Variants in NEURL1 observed in about 807,000 individuals in gnomAD.
The protein encoded by NEURL1 is E3 ubiquitin-protein ligase NEURL1.
In NEURL1, 26 loss-of-function variants were observed where a neutral mutation model predicts 41.2. That is an observed-to-expected ratio of 0.63 (90% CI 0.46 to 0.87). The LOEUF (loss-of-function observed/expected upper bound fraction) is 0.87. Among genes scored for constraint, NEURL1 ranks in the 40% least tolerant of loss-of-function variants. NEURL1 has a pLI of 0.00. For missense variants in NEURL1, 761 were observed against 871.1 expected (o/e 0.87, Z 1.59); for synonymous variants, 400 against 402.3 (o/e 0.99, Z 0.07).
In NEURL1 at chr10:103,555,423, C is replaced by A. The variant is rs771090169; in HGVS notation, c.86-15449C>A. 8.1e-6 allele frequency: 11 copies of A among 1,357,100 alleles called. No individual in the cohort carries two copies. In the East Asian group the frequency reaches 4.2e-4, roughly 51 times the overall value. The allele number at this position is 1,357,100 out of a possible 1,614,324, so 84.1% of individuals were successfully genotyped here. ...CGGAGCACTCTCCACGGTAAGGCCC[C>A]GCGGATGCCTGCGGGCCCGCCCACC... On this transcript the variant is annotated intron_variant, in intron 1 of 5. Coordinates refer to ENST00000369780, the MANE Select transcript of NEURL1 (RefSeq NM_004210.5).
intron 3 of NEURL1, among the ~76,000 whole-genome samples, chr10:103,583,479 A>T (rs2035826753): frequency 6.6e-6 from 1 of 151,934 alleles, no homozygotes; most frequent in Admixed American, 6.6e-5. Flanking sequence ...ACTTTGGGAG[A>T]CTGAGGCAGG....
intron 1 of NEURL1, among the ~76,000 whole-genome samples, chr10:103,568,378 C>T (rs1326303288): frequency 6.6e-6 from 1 of 152,226 alleles, no homozygotes; most frequent in Admixed American, 6.5e-5. Flanking sequence ...TGCCGTTACC[C>T]AGGGCCCCAG....
chr10:103,577,864 G>C (rs1329330388), intron 3 of NEURL1: 1 of 152,232 alleles, frequency 6.6e-6, no homozygotes, highest in African/African-American at 2.4e-5. Context: ...GTGCACTCTA[G>C]TTTTCTACCA....
At chr10:103,537,251 C>A (rs1032640144) in intron 1 of NEURL1, among the ~76,000 whole-genome samples, 1 of 152,178 alleles carries the variant, frequency 6.6e-6, no homozygotes, top group African/African-American at 2.4e-5. Flanking sequence ...CTGTTCAAGT[C>A]CAAGTCCCTG....
chr10:103,552,373 C>T (rs1372989033), intron 1 of NEURL1, among the ~76,000 whole-genome samples: 1 of 152,202 alleles, frequency 6.6e-6, no homozygotes, highest in Non-Finnish European at 1.5e-5. Context: ...GAGGCTCCTC[C>T]TGCTCACCCT....
intron 1 of NEURL1, 198 bp downstream of exon 1, chr10:103,494,670 C>T: frequency 7.1e-6 from 4 of 565,890 alleles, no homozygotes; most frequent in Admixed American, 6.8e-5. Flanking sequence ...GCGGGGTCTG[C>T]GCAGTTCTGT....
At chr10:103,587,248 G>A (rs1592245358) in intron 4 of NEURL1, among the ~76,000 whole-genome samples, 1 of 152,276 alleles carries the variant, frequency 6.6e-6, no homozygotes, top group East Asian at 1.9e-4. Flanking sequence ...AATTACATAA[G>A]AGTAAGGTAC....
chr10:103,508,565 T>C lies in NEURL1; in HGVS notation c.85+14093T>C, dbSNP rs1469868399. Among the ~76,000 whole-genome samples, 1 of 152,054 alleles carries C rather than the reference T, an allele frequency of 6.6e-6. No homozygotes were observed. Among genetic ancestry groups the C allele is most frequent in the East Asian group, 1.9e-4 (1 of 5,182 alleles). On this transcript the variant is annotated intron_variant, in intron 1 of 5. Transcript: ENST00000369780. The surrounding 1 kb of genome is among the most constrained non-coding windows in gnomAD (Gnocchi z 4.3). ...CAAGTCCCATGCAGGAAACCCCCTC[T>C]TTGGAGGGCTGAGAGGGCTTAGCCA...
intron 1 of NEURL1, among the ~76,000 whole-genome samples, chr10:103,524,248 A>G (rs1592195338): frequency 6.6e-6 from 1 of 152,088 alleles, no homozygotes; most frequent in Non-Finnish European, 1.5e-5. Flanking sequence ...CTTTTGAGAG[A>G]TATCTATTCA....
chr10:103,553,989 G>A (rs953423699), intron 1 of NEURL1, among the ~76,000 whole-genome samples: 4 of 152,188 alleles, frequency 2.6e-5, no homozygotes, highest in African/African-American at 9.6e-5. Flanking sequence ...TGACCTGCTG[G>A]GTAACCTCAC....
intron 1 of NEURL1, among the ~76,000 whole-genome samples, chr10:103,552,840 G>A (rs6584558): frequency 0.39 from 59,073 of 152,038 alleles, 11,703 homozygotes; most frequent in African/African-American, 0.42. Flanking sequence ...AGTAGGGTAA[G>A]TGTTAGGAGA....
rs757896975 is a variant in NEURL1, at chr10:103,589,584, C to T, written c.1410C>T (p.Pro470=). 2.5e-6 allele frequency: 4 copies of T among 1,614,046 alleles called. No homozygotes were observed. Among genetic ancestry groups the T allele is most frequent in the Non-Finnish European group, 3.4e-6 (4 of 1,179,948 alleles). ...PCSPASTPTS[P]SALGSRLSDP... is the part of the protein sequence containing the mutation. ...CCCCTGCCTCCACGCCAACCTCGCCCAGTGCCCTGGGCAGCCGCCTGTCTG... is the reference window on the plus strand; with the variant it reads ...CCCCTGCCTCCACGCCAACCTCGCCTAGTGCCCTGGGCAGCCGCCTGTCTG... Residue 470 remains proline, a synonymous_variant, in exon 5 of 6, where the codon CCC becomes CCT. Transcript: ENST00000369780.
intron 1 of NEURL1, among the ~76,000 whole-genome samples, chr10:103,538,256 G>A (rs2034739402): frequency 6.6e-6 from 1 of 152,018 alleles, no homozygotes; most frequent in African/African-American, 2.4e-5. Context: ...TACCACGCCG[G>A]GCTTAATTTA....
Position 103,558,717 on chromosome 10 carries a change from C to T in NEURL1, c.86-12155C>T, listed in dbSNP as rs1411172033. Among the ~76,000 whole-genome samples the T allele has an allele frequency of 3.9e-5, 6 of 152,214 alleles. No homozygotes were observed. The East Asian group carries it at 7.7e-4, about 20-fold the overall frequency. On this transcript the variant is annotated intron_variant, in intron 1 of 5. Transcript: ENST00000369780. The surrounding 1 kb of genome is among the most constrained non-coding windows in gnomAD (Gnocchi z 4.2). ...GGTCTTGAGAGCAGGCTGACAGGGGCGGGAAGGGTAGTGCGAAGAGGGAGG... is the reference window on the plus strand; with the variant it reads ...GGTCTTGAGAGCAGGCTGACAGGGGTGGGAAGGGTAGTGCGAAGAGGGAGG...
rs1216941773 is a variant in NEURL1, at chr10:103,556,885, T to A, written c.86-13987T>A. On this transcript the variant is annotated intron_variant, in intron 1 of 5. Coordinates refer to ENST00000369780, the MANE Select transcript of NEURL1 (RefSeq NM_004210.5). The surrounding 1 kb of genome is among the most constrained non-coding windows in gnomAD (Gnocchi z 4.4). ...TGTTGGCAGAGGGTCTGGAGCCGACTGGCATTTTCCACTGGAGTCAGACTT... is the reference window on the plus strand; with the variant it reads ...TGTTGGCAGAGGGTCTGGAGCCGACAGGCATTTTCCACTGGAGTCAGACTT... Among the ~76,000 whole-genome samples, 1 of 152,140 alleles carries A rather than the reference T, an allele frequency of 6.6e-6. No individual in the cohort carries two copies. Among genetic ancestry groups the A allele is most frequent in the African/African-American group, 2.4e-5 (1 of 41,452 alleles).
chr10:103,558,929 C>T lies in NEURL1; in HGVS notation c.86-11943C>T, dbSNP rs1188838699. Among the ~76,000 whole-genome samples the T allele has an allele frequency of 6.6e-6, 1 of 152,166 alleles. No homozygotes were observed. The highest frequency in any genetic ancestry group is 1.9e-4 in the East Asian group (1 of 5,186). ...ACATTCATGTCACCCTCAGGTTAGT[C>T]TCTGGATTTAACAAGCCTGAGTGTC... On this transcript the variant is annotated intron_variant, in intron 1 of 5. Transcript: ENST00000369780. The surrounding 1 kb of genome is among the most constrained non-coding windows in gnomAD (Gnocchi z 4.2).
At chr10:103,574,031 G>A (rs192980446) in intron 3 of NEURL1, among the ~76,000 whole-genome samples, 67 of 152,332 alleles carry the variant, frequency 4.4e-4, no homozygotes, top group Non-Finnish European at 7.3e-5. Flanking sequence ...CTCCAGAGTG[G>A]AGGCTTCTGC....
intron 1 of NEURL1, among the ~76,000 whole-genome samples, chr10:103,553,566 C>T (rs943494698): frequency 3.3e-5 from 5 of 152,200 alleles, no homozygotes; most frequent in Admixed American, 6.5e-5. Flanking sequence ...CCCCAGATCC[C>T]GCCCAGCCCT....
At chr10:103,555,604 G>A (rs557099213) in intron 1 of NEURL1, among the ~76,000 whole-genome samples, 1 of 152,236 alleles carries the variant, frequency 6.6e-6, no homozygotes, top group East Asian at 1.9e-4. Context: ...GAGCTGGGTA[G>A]AGCAGGAAGA....
Sources: gnomAD v4.1 joint callset for allele counts (sites outside exome capture counted in the v4.1 genomes callset) on GRCh38, gnomAD v4.1.1 for gene constraint, Gnocchi (gnomAD v3.1) non-coding constraint, MANE v1.5 for transcripts, NCBI Gene and HGNC (gene_info 2026-07-23, HGNC 2026-07-21) for gene names.